The following URI1 variants were observed in gnomAD, a reference collection of about 807,000 sequenced individuals.
URI1 encodes unconventional prefoldin RPB5 interactor 1.
In URI1, 39 loss-of-function variants were observed where a neutral mutation model predicts 60.2. The ratio of observed to expected loss-of-function variants is 0.65; its 90% CI spans 0.50 to 0.85. URI1 has a LOEUF of 0.85. Among genes scored for constraint, URI1 ranks in the 40% least tolerant of loss-of-function variants. The pLI, the probability that URI1 is intolerant of heterozygous loss-of-function variation, is 0.00. For synonymous variants in URI1, 251 were observed against 236.8 expected (o/e 1.06, Z -0.55); for missense variants, 691 against 665.9 (o/e 1.04, Z -0.42).
intron 1 of URI1, among the ~76,000 whole-genome samples, chr19:29,927,638 G>A (rs1475661111): frequency 2.1e-5 from 3 of 144,590 alleles, no homozygotes; most frequent in East Asian, 2.1e-4. Flanking sequence ...GTGCAATGGC[G>A]TGATCTCAGC....
At position 29,935,700 on chromosome 19, in the gene URI1, C is replaced by CTTTTTTTTTTTTTTTTTTTTTTTT. The variant is rs34820413; in HGVS notation, c.63+11960_63+11961insTTTTTTTTTTTTTTTTTTTTTTTT. ...TGGTAGGAAATTCTTGGTTGACAGT[C>CTTTTTTTTTTTTTTTTTTTTTTTT]TTTTTTTTTTTTTTCCCCAGGACTT... On this transcript the variant is annotated intron_variant, in intron 1 of 10. Transcript: ENST00000360605. Among the ~76,000 whole-genome samples the CTTTTTTTTTTTTTTTTTTTTTTTT allele has an allele frequency of 2.7e-3, 354 of 131,596 alleles. 17 individuals are homozygous for CTTTTTTTTTTTTTTTTTTTTTTTT. Among genetic ancestry groups the CTTTTTTTTTTTTTTTTTTTTTTTT allele is most frequent in the African/African-American group, 7.3e-3 (250 of 34,234 alleles). 86.3% of individuals were successfully genotyped at this position (131,596 alleles called of 152,430 possible). A position where few individuals can be genotyped will look rare whatever the true frequency, so the allele number is the denominator to read the frequency against.
In URI1 at chr19:29,942,374, G is replaced by A. The variant is rs960011978; in HGVS notation, c.-174G>A. ...GCGGGGACATGCACGTGTGAGATGC[G>A]GCAGCGGGCGGCGCGGACGCGAACA... On this transcript the variant is annotated 5_prime_UTR_variant, in exon 1 of 11. Transcript: ENST00000392271. The A allele has an allele frequency of 5.1e-6, 5 of 984,012 alleles. No homozygotes were observed. Among genetic ancestry groups the A allele is most frequent in the African/African-American group, 1.8e-5 (1 of 56,982 alleles). The allele number at this position is 984,012 out of a possible 1,614,324, so 61.0% of individuals were successfully genotyped here.
At chr19:29,955,799 C>T (rs1019300333) in intron 1 of URI1, among the ~76,000 whole-genome samples, 3 of 151,808 alleles carry the variant, frequency 2.0e-5, no homozygotes, top group Non-Finnish European at 2.9e-5. Context: ...CCATGTTGAC[C>T]AGGCAGGTCT....
intron 1 of URI1, 54 bp downstream of exon 1, chr19:29,942,718 T>G (rs892844041): frequency 1.5e-6 from 2 of 1,340,116 alleles, no homozygotes; most frequent in Non-Finnish European, 9.6e-7. Context: ...TGCCCCTGCC[T>G]GTGCTCTGGG....
Position 29,942,641 on chromosome 19 carries a change from C to A in URI1, c.94C>A (p.Arg32=). The part of the protein sequence containing the change: ...LVPLRAPDVA[R]LREEQEKVVT... Reference sequence around the variant, plus strand: ...TCCGTTGCGCGCCCCGGATGTGGCGCGGCTGCGCGAGGAGCAGGAAAAGGT... The same window carrying A: ...TCCGTTGCGCGCCCCGGATGTGGCGAGGCTGCGCGAGGAGCAGGAAAAGGT... Residue 32 remains arginine, a synonymous_variant, in exon 1 of 11, where the codon CGG becomes AGG. Coordinates refer to ENST00000392271, the MANE Select transcript of URI1 (RefSeq NM_003796.3). 6.9e-7 allele frequency: 1 copy of A among 1,456,320 alleles called. No individual in the cohort carries two copies. 90.2% of individuals were successfully genotyped at this position (1,456,320 alleles called of 1,614,324 possible).
At chr19:29,942,159 G>C (rs1456954622), upstream of URI1, 4 of 961,032 alleles carry the variant, frequency 4.2e-6, no homozygotes, top group African/African-American at 7.0e-5. Flanking sequence ...GCACTCCCCT[G>C]GGGGCGGGGC....
At chr19:29,928,609 G>A (rs564198534) in intron 1 of URI1, among the ~76,000 whole-genome samples, 1 of 152,300 alleles carries the variant, frequency 6.6e-6, no homozygotes, top group South Asian at 2.1e-4. Context: ...GAGAATGGAT[G>A]TGGAGGGGAA....
chr19:29,957,820 A>G (rs1024655210), intron 1 of URI1, among the ~76,000 whole-genome samples: 1 of 151,814 alleles, frequency 6.6e-6, no homozygotes, highest in Non-Finnish European at 1.5e-5. Flanking sequence ...TTAAAAGTAT[A>G]TAAATCTTCA....
rs773128187 is a variant in URI1, at chr19:30,014,945, C to T, written c.1484C>T (p.Pro495Leu). The change falls in exon 11 of 11, where the codon CCA becomes CTA. Residue 495 changes from proline (P) to leucine (L), a missense_variant. Transcript: ENST00000392271. The part of the protein sequence containing the change: ...EFVSPSLTPP[P>L]AIAHPALPTI... ...GTATCACCTTCCTTAACACCACCCC[C>T]AGCCATTGCTCATCCCGCACTACCC... 6.2e-7 allele frequency: 1 copy of T among 1,613,772 alleles called. No individual in the cohort carries two copies. The highest frequency in any genetic ancestry group is 2.2e-5 in the East Asian group (1 of 44,868).
upstream of URI1, chr19:29,937,918 T>C (rs1167463631): frequency 6.6e-6 from 1 of 152,202 alleles, no homozygotes; most frequent in Non-Finnish European, 1.5e-5. Flanking sequence ...GCAGCTGTTT[T>C]GCATCCACCC....
At chr19:29,937,536 G>C (rs1018842722), upstream of URI1, 3 of 152,184 alleles carry the variant, frequency 2.0e-5, no homozygotes, top group African/African-American at 7.2e-5. Context: ...TGCTTGTTGA[G>C]GGTTGCAGCC....
At chr19:29,930,511 G>GTT (rs947378230) in intron 1 of URI1, among the ~76,000 whole-genome samples, 7 of 146,484 alleles carry the variant, frequency 4.8e-5, no homozygotes, top group African/African-American at 7.5e-5. Context: ...CACCATTTGT[G>GTT]TTTTTTTTTT....
At chr19:29,941,085 T>C (rs561624706), upstream of URI1, among the ~76,000 whole-genome samples, 3 of 152,346 alleles carry the variant, frequency 2.0e-5, no homozygotes, top group African/African-American at 4.8e-5. Flanking sequence ...AGGGTGGATC[T>C]GGACTTGGGA....
chr19:29,960,641 C>T (rs1348765609), intron 1 of URI1, among the ~76,000 whole-genome samples: 2 of 151,990 alleles, frequency 1.3e-5, no homozygotes, highest in Admixed American at 6.6e-5. Context: ...TTCTTAACTT[C>T]AGTCTTTTGG....
upstream of URI1, chr19:29,942,129 C>A (rs922050713): frequency 2.5e-6 from 2 of 805,394 alleles, no homozygotes; most frequent in African/African-American, 1.9e-5. Flanking sequence ...CCAGCCCCAG[C>A]CACGCGGTTC....
intron 1 of URI1, among the ~76,000 whole-genome samples, chr19:29,946,542 A>G (rs1323158836): frequency 6.6e-6 from 1 of 152,246 alleles, no homozygotes; most frequent in African/African-American, 2.4e-5. Flanking sequence ...TTTATAATTG[A>G]GTGCCTCATG....
chr19:30,009,512 A>G (rs2055991895), intron 8 of URI1, among the ~76,000 whole-genome samples, 159 bp downstream of exon 8: 1 of 152,146 alleles, frequency 6.6e-6, no homozygotes, highest in Non-Finnish European at 1.5e-5. Context: ...TAAGAAGAAA[A>G]AGGGAAAAAA....
upstream of URI1, among the ~76,000 whole-genome samples, chr19:29,941,326 A>G (rs2055021287): frequency 6.6e-6 from 1 of 152,100 alleles, no homozygotes; most frequent in Non-Finnish European, 1.5e-5. Flanking sequence ...AAATAATTGG[A>G]ACGGCCAGGT....
rs2055668678 is a variant in URI1 at position 29,986,323 on chromosome 19, C to T, written c.273C>T (p.Val91=). ...TTGCCTTCATGCCAGGAAAACTTGTCCATACTAATGAAGTCACTGTTTTAC... is the reference window on the plus strand; with the variant it reads ...TTGCCTTCATGCCAGGAAAACTTGTTCATACTAATGAAGTCACTGTTTTAC... ...GPFAFMPGKL[V]HTNEVTVLLG... Residue 91 remains valine (V), a synonymous_variant, in exon 4 of 11, where the codon GTC becomes GTT. Coordinates refer to ENST00000392271, the MANE Select transcript of URI1 (RefSeq NM_003796.3). The T allele has an allele frequency of 1.9e-6, 3 of 1,608,074 alleles. No homozygotes were observed. Among genetic ancestry groups the T allele is most frequent in the Non-Finnish European group, 2.5e-6 (3 of 1,178,780 alleles).
Sources: allele counts gnomAD v4.1 joint callset (sites outside exome capture counted in the v4.1 genomes callset), GRCh38; gene constraint gnomAD v4.1.1; transcripts MANE v1.5; gene names NCBI Gene and HGNC (gene_info 2026-07-23, HGNC 2026-07-21).